SAMD13: variants seen among roughly 807,000 people sequenced by gnomAD.
SAMD13 encodes the protein sterile alpha motif domain-containing protein 13.
SAMD13 carries 9 observed loss-of-function variants against 12.4 expected under a neutral mutation model. That is an observed-to-expected ratio of 0.72 (90% CI 0.44 to 1.26). The LOEUF (loss-of-function observed/expected upper bound fraction) is 1.26. Among genes scored for constraint, SAMD13 ranks in the 50% most tolerant of loss-of-function variants. The pLI, the probability that SAMD13 is intolerant of heterozygous loss-of-function variation, is 0.00. For synonymous variants in SAMD13, 46 were observed against 45.4 expected (o/e 1.01, Z -0.05); for missense variants, 84 against 119.6 (o/e 0.70, Z 1.39).
chr1:84,300,229 A>G (rs555541723), upstream of SAMD13, among the ~76,000 whole-genome samples: 4 of 152,234 alleles, frequency 2.6e-5, no homozygotes, highest in Non-Finnish European at 5.9e-5. Flanking sequence ...AAAGATCCAC[A>G]TGCCTGACCC....
At chr1:84,333,526 A>G (rs902193127) in intron 3 of SAMD13, among the ~76,000 whole-genome samples, 1 of 151,880 alleles carries the variant, frequency 6.6e-6, no homozygotes, top group African/African-American at 2.4e-5. Flanking sequence ...CTATCAGTGT[A>G]TGGGTGTTGT....
At chr1:84,342,553 C>T (rs905603434) in intron 3 of SAMD13, among the ~76,000 whole-genome samples, 3 of 152,050 alleles carry the variant, frequency 2.0e-5, no homozygotes, top group Non-Finnish European at 4.4e-5. Flanking sequence ...AATAAGACCA[C>T]ACATCTACAA....
Position 84,349,866 on chromosome 1 carries a change from G to A in SAMD13, c.*92G>A, listed in dbSNP as rs1394128550. 1 of 1,488,602 alleles carries A rather than the reference G, an allele frequency of 6.7e-7. No homozygotes were observed. Among genetic ancestry groups the A allele is most frequent in the Non-Finnish European group, 8.9e-7 (1 of 1,121,218 alleles). 92.2% of individuals were successfully genotyped at this position (1,488,602 alleles called of 1,614,324 possible). A position where few individuals can be genotyped will look rare whatever the true frequency, so the allele number is the denominator to read the frequency against. The stretch of plus-strand genomic sequence containing the variant: ...AACTTTGTAAACAGAATACATACAT[G>A]TGTATATGTAAAGAATTTCAATCAA... On this transcript the variant is annotated 3_prime_UTR_variant, in exon 4 of 4. Transcript: ENST00000394834.
intron 2 of SAMD13, among the ~76,000 whole-genome samples, chr1:84,321,100 CT>C (rs1193136204): frequency 6.6e-6 from 1 of 152,116 alleles, no homozygotes; most frequent in Non-Finnish European, 1.5e-5. Flanking sequence ...AATTGATCTG[CT>C]TGTATCTGCC....
In SAMD13 at chr1:84,342,504, C is replaced by CTGTCT. The variant is rs1183886984; in HGVS notation, c.166-7127_166-7126insTGTCT. On this transcript the variant is annotated intron_variant, in intron 3 of 3. Transcript: ENST00000394834. ...AAACAGCATGGTATTGGTATAAAAACAGACACCTAGACCAATAGAACAGAA... is the reference window on the plus strand; with the variant it reads ...AAACAGCATGGTATTGGTATAAAAACTGTCTAGACACCTAGACCAATAGAACAGAA... Among the ~76,000 whole-genome samples the CTGTCT allele has an allele frequency of 5.1e-3, 772 of 151,218 alleles. 3 individuals carry two copies. The highest frequency in any genetic ancestry group is 9.0e-3 in the Non-Finnish European group (609 of 67,520).
chr1:84,319,992 A>C (rs1326221818), intron 2 of SAMD13, among the ~76,000 whole-genome samples: 2 of 152,146 alleles, frequency 1.3e-5, no homozygotes, highest in Non-Finnish European at 2.9e-5. Context: ...CCTTCTTTCA[A>C]CCATCTATTT....
At chr1:84,319,448 C>T (rs917956035) in intron 2 of SAMD13, among the ~76,000 whole-genome samples, 1 of 151,740 alleles carries the variant, frequency 6.6e-6, no homozygotes, top group Non-Finnish European at 1.5e-5. Flanking sequence ...ATGGCGAAAC[C>T]CCATCTCTAC....
At chr1:84,306,403 T>G (rs1440781431) in intron 2 of SAMD13, among the ~76,000 whole-genome samples, 2 of 152,182 alleles carry the variant, frequency 1.3e-5, no homozygotes. Context: ...TAGACAATTA[T>G]GTCTTGTGAA....
At chr1:84,318,340 C>A (rs1678876969) in intron 2 of SAMD13, among the ~76,000 whole-genome samples, 1 of 151,930 alleles carries the variant, frequency 6.6e-6, no homozygotes, top group Non-Finnish European at 1.5e-5. Flanking sequence ...ATACTTTCCA[C>A]TTTCACTTTT....
At chr1:84,328,761 A>T (rs796476389) in intron 3 of SAMD13, among the ~76,000 whole-genome samples, 2 of 152,302 alleles carry the variant, frequency 1.3e-5, no homozygotes, top group African/African-American at 4.8e-5. Flanking sequence ...GGCCTTCTCC[A>T]GCCCAAGCAC....
intron 3 of SAMD13, among the ~76,000 whole-genome samples, chr1:84,346,147 G>C (rs897554364): frequency 6.6e-6 from 1 of 152,138 alleles, no homozygotes; most frequent in Non-Finnish European, 1.5e-5. Context: ...AGAAAATGAG[G>C]CTTAGAAAAA....
chr1:84,317,949 T>C (rs1332642615), intron 2 of SAMD13, among the ~76,000 whole-genome samples: 1 of 152,126 alleles, frequency 6.6e-6, no homozygotes, highest in East Asian at 1.9e-4. Flanking sequence ...CTATTTCTTC[T>C]AGACTATCCA....
At chr1:84,321,726 T>C (rs1321314798) in intron 2 of SAMD13, among the ~76,000 whole-genome samples, 1 of 152,210 alleles carries the variant, frequency 6.6e-6, no homozygotes, top group Non-Finnish European at 1.5e-5. Context: ...TAGCAGAGAA[T>C]GGTGCTGCTT....
chr1:84,340,735 A>T (rs576550688), intron 3 of SAMD13, among the ~76,000 whole-genome samples: 5 of 152,208 alleles, frequency 3.3e-5, no homozygotes, highest in Non-Finnish European at 7.3e-5. Context: ...GCATAGGTGA[A>T]GTTGTGTACA....
intron 2 of SAMD13, among the ~76,000 whole-genome samples, chr1:84,316,251 T>C (rs1420553947): frequency 2.3e-5 from 1 of 43,852 alleles, no homozygotes; most frequent in African/African-American, 5.7e-5. Context: ...ATTTTTGCTT[T>C]TGTTGCCTAT....
chr1:84,341,184 C>T (rs1288389806), intron 3 of SAMD13, among the ~76,000 whole-genome samples: 2 of 152,200 alleles, frequency 1.3e-5, no homozygotes, highest in African/African-American at 2.4e-5. Flanking sequence ...ACCAGTATCT[C>T]ATTGGTTCTG....
chr1:84,339,739 G>A (rs1009146337), intron 3 of SAMD13, among the ~76,000 whole-genome samples: 2 of 152,180 alleles, frequency 1.3e-5, no homozygotes, highest in African/African-American at 4.8e-5. Flanking sequence ...GTTGAGGAGT[G>A]AGTGGGAGGC....
chr1:84,345,099 A>T, intron 3 of SAMD13: 1 of 456,618 alleles, frequency 2.2e-6, no homozygotes, highest in Non-Finnish European at 4.4e-6. Context: ...AAGTACCTCT[A>T]CCTCTGAGAC....
At chr1:84,321,762 T>G (rs1019752692) in intron 2 of SAMD13, among the ~76,000 whole-genome samples, 1 of 152,204 alleles carries the variant, frequency 6.6e-6, no homozygotes, top group African/African-American at 2.4e-5. Context: ...TATCTTCCCA[T>G]GTCAAATGTT....
Sources: allele counts gnomAD v4.1 joint callset (sites outside exome capture counted in the v4.1 genomes callset), GRCh38; gene constraint gnomAD v4.1.1; transcripts MANE v1.5; gene names NCBI Gene and HGNC (gene_info 2026-07-23, HGNC 2026-07-21).